Variants in ACACA observed in about 807,000 individuals in gnomAD.
ACACA encodes the protein acetyl-CoA carboxylase alpha.
Under a neutral mutation model 296.1 loss-of-function variants are expected in ACACA, and 103 were observed. The ratio of observed to expected loss-of-function variants is 0.35; its 90% confidence interval spans 0.30 to 0.41. ACACA has a LOEUF of 0.41. Among genes scored for constraint, ACACA ranks in the 10% least tolerant of loss-of-function variants. The pLI, the probability that ACACA is intolerant of heterozygous loss-of-function variation, is 1.00. For missense variants in ACACA, 1,554 were observed against 2,989.7 expected (o/e 0.52, Z 11.20); for synonymous variants, 953 against 1,038.6 (o/e 0.92, Z 1.58).
chr17:37,154,835 A>G (rs927620055), intron 43 of ACACA, among the ~76,000 whole-genome samples: 2 of 152,200 alleles, frequency 1.3e-5, no homozygotes, highest in Non-Finnish European at 2.9e-5. Context: ...CAGATAGATT[A>G]TATAAAAACA....
chr17:37,193,459 A>T, intron 35 of ACACA, 44 bp from the exon 36 acceptor site: 2 of 1,441,688 alleles, frequency 1.4e-6, no homozygotes, highest in Non-Finnish European at 2.0e-6. Flanking sequence ...GTTCATAGAC[A>T]TGGCTCTTTG....
At chr17:37,385,882 T>C (rs1468421888) in intron 1 of ACACA, 3 of 627,962 alleles carry the variant, frequency 4.8e-6, no homozygotes, top group Non-Finnish European at 8.3e-6. Flanking sequence ...CCTAAACCTA[T>C]GGACAGACAG....
At chr17:37,249,956 A>C (rs1244855404) in intron 16 of ACACA, among the ~76,000 whole-genome samples, 1 of 152,204 alleles carries the variant, frequency 6.6e-6, no homozygotes, top group African/African-American at 2.4e-5. Flanking sequence ...TCATTTTATA[A>C]GGGGAAACCC....
At chr17:37,373,127 A>C (rs1243538828) in intron 1 of ACACA, among the ~76,000 whole-genome samples, 1 of 151,670 alleles carries the variant, frequency 6.6e-6, no homozygotes, top group Non-Finnish European at 1.5e-5. Flanking sequence ...GATCCACCTG[A>C]CTCAGCCTCC....
chr17:37,311,492 T>G (rs1347465920), intron 3 of ACACA, among the ~76,000 whole-genome samples: 1 of 147,980 alleles, frequency 6.8e-6, no homozygotes, highest in Non-Finnish European at 1.5e-5. Flanking sequence ...CAGATAAAAG[T>G]AAGTTTGAAA....
At chr17:37,300,246 C>T (rs2083555976) in intron 3 of ACACA, among the ~76,000 whole-genome samples, 1 of 152,202 alleles carries the variant, frequency 6.6e-6, no homozygotes, top group African/African-American at 2.4e-5. Context: ...TACTGAGACA[C>T]ATATATTACT....
intron 3 of ACACA, among the ~76,000 whole-genome samples, chr17:37,321,942 C>CAA (rs35332296): frequency 2.3e-5 from 2 of 87,026 alleles, no homozygotes; most frequent in Non-Finnish European, 2.3e-5. Context: ...GACTCCATCT[C>CAA]AAAAAAAAAA....
chr17:37,244,224 C>G (rs965511357), intron 21 of ACACA, among the ~76,000 whole-genome samples: 3 of 151,658 alleles, frequency 2.0e-5, no homozygotes, highest in African/African-American at 7.3e-5. Context: ...AAATTAGCCG[C>G]GCCTGGTGGC....
chr17:37,216,851 C>A (rs1004636910), intron 29 of ACACA, among the ~76,000 whole-genome samples: 35 of 150,940 alleles, frequency 2.3e-4, no homozygotes, highest in Non-Finnish European at 4.4e-4. Context: ...AAAACAAAAA[C>A]AAAAACAAAA....
chr17:37,144,795 G>A (rs773754384), intron 45 of ACACA, among the ~76,000 whole-genome samples: 9 of 150,370 alleles, frequency 6.0e-5, no homozygotes, highest in Non-Finnish European at 1.2e-4. Flanking sequence ...TCTCGCTAAG[G>A]GGGATGAGAG....
intron 10 of ACACA, among the ~76,000 whole-genome samples, chr17:37,265,836 C>T (rs1384519038): frequency 6.6e-6 from 1 of 152,130 alleles, no homozygotes; most frequent in African/African-American, 2.4e-5. Context: ...CTGAGAAATC[C>T]CTCTTTTTAT....
In ACACA at chr17:37,097,184, T is replaced by A. The variant is rs1339838369; in HGVS notation, c.6721-18A>T. ...AGGATATCCTACATGCAGAGAAGAA[T>A]AAACTTAGCCCAGTCCTAATTCCTG... is the stretch of plus-strand genomic sequence containing the variant. On this transcript the variant is annotated intron_variant, in intron 53 of 55. Coordinates refer to ENST00000616317, the MANE Select transcript of ACACA (RefSeq NM_198834.3). The surrounding 1 kb of genome is among the most constrained non-coding windows in gnomAD (Gnocchi z 4.8). 6.2e-7 allele frequency: 1 copy of A among 1,611,240 alleles called. No homozygotes were observed.
chr17:37,100,746 G>C (rs1199002152), intron 52 of ACACA, among the ~76,000 whole-genome samples: 4 of 151,952 alleles, frequency 2.6e-5, no homozygotes, highest in Admixed American at 1.3e-4. Flanking sequence ...TAAATGTATT[G>C]TGGTTATGTA....
chr17:37,348,124 C>T (rs1351127445), intron 1 of ACACA, among the ~76,000 whole-genome samples: 1 of 150,594 alleles, frequency 6.6e-6, no homozygotes, highest in Non-Finnish European at 1.5e-5. Flanking sequence ...AGTACCCAAC[C>T]TGGGTGACTG....
intron 1 of ACACA, among the ~76,000 whole-genome samples, chr17:37,400,864 A>ACATG (rs1002768138): frequency 1.3e-5 from 2 of 152,184 alleles, no homozygotes; most frequent in African/African-American, 4.8e-5. Flanking sequence ...ATATGGGAGT[A>ACATG]CAGATACCTT....
At chr17:37,332,570 A>C (rs2047931664) in intron 2 of ACACA, among the ~76,000 whole-genome samples, 2 of 150,512 alleles carry the variant, frequency 1.3e-5, no homozygotes, top group South Asian at 4.3e-4. Flanking sequence ...CAGGAGTTCA[A>C]GACTAGCATG....
At chr17:37,095,644 G>C (rs1009807251) in intron 54 of ACACA, among the ~76,000 whole-genome samples, 2 of 152,096 alleles carry the variant, frequency 1.3e-5, no homozygotes, top group African/African-American at 4.8e-5. Context: ...CTCTAACCTG[G>C]TAGTCACCAA....
rs1044306210 is a variant in ACACA, at chr17:37,142,012, G to GT, written c.5679+7851dup. Among the ~76,000 whole-genome samples, 763 of 130,148 alleles carry GT rather than the reference G, an allele frequency of 5.9e-3. 2 individuals are homozygous for GT. The highest frequency in any genetic ancestry group is 0.018 in the African/African-American group (648 of 36,076). The allele number at this position is 130,148 out of a possible 152,430, so 85.4% of individuals were successfully genotyped here. A position where few individuals can be genotyped will look rare whatever the true frequency, so the allele number is the denominator to read the frequency against. ...GGCCAAGTTTTTTTTGTTTTTTTTT[G>GT]TTTTTTTTTTTTTAATCTAAAGGTT... is the stretch of plus-strand genomic sequence containing the variant. On this transcript the variant is annotated intron_variant, in intron 45 of 55. Coordinates refer to ENST00000616317, the MANE Select transcript of ACACA (RefSeq NM_198834.3).
At chr17:37,249,785 G>A (rs914740368) in intron 16 of ACACA, among the ~76,000 whole-genome samples, 4 of 152,192 alleles carry the variant, frequency 2.6e-5, no homozygotes, top group Admixed American at 6.5e-5. Context: ...AATATTGCAT[G>A]TTGATATGGT....
Sources: gnomAD v4.1 joint callset for allele counts (sites outside exome capture counted in the v4.1 genomes callset) on GRCh38, gnomAD v4.1.1 for gene constraint, Gnocchi (gnomAD v3.1) non-coding constraint, MANE v1.5 for transcripts, NCBI Gene and HGNC (gene_info 2026-07-23, HGNC 2026-07-21) for gene names.